LPP: variants seen among roughly 807,000 people sequenced by gnomAD.
LPP encodes the protein lipoma-preferred partner.
In LPP, 38 loss-of-function variants were observed where a neutral mutation model predicts 60.4. The observed-to-expected ratio is 0.63, with a 90% CI of 0.49 to 0.83. The LOEUF (loss-of-function observed/expected upper bound fraction) is 0.83, where lower values mean the gene tolerates loss of function less well. Among genes scored for constraint, LPP ranks in the 40% least tolerant of loss-of-function variants. The probability of loss-of-function intolerance (pLI) is 0.00; values close to 1 mark genes in which losing one functional copy is unlikely to be tolerated. For missense variants in LPP, 902 were observed against 783.6 expected (o/e 1.15, Z -1.80); for synonymous variants, 328 against 290.8 (o/e 1.13, Z -1.30).
chr3:188,747,675 A>G (rs1301171403), intron 8 of LPP, among the ~76,000 whole-genome samples: 1 of 152,204 alleles, frequency 6.6e-6, no homozygotes, highest in Non-Finnish European at 1.5e-5. Flanking sequence ...ACCTAAAAGT[A>G]ATACACTAAT....
intron 2 of LPP, chr3:188,240,286 T>A (rs952666280): frequency 1.8e-5 from 3 of 169,738 alleles, no homozygotes; most frequent in African/African-American, 7.2e-5. Flanking sequence ...TAGGAATAGC[T>A]TACAGCTTGC....
chr3:188,409,231 A>G (rs762277148), intron 4 of LPP, among the ~76,000 whole-genome samples: 33 of 152,106 alleles, frequency 2.2e-4, no homozygotes, highest in African/African-American at 7.0e-4. Flanking sequence ...ATTTCTGCCA[A>G]TTCTCACTCT....
intron 3 of LPP, among the ~76,000 whole-genome samples, chr3:188,397,065 G>T (rs113916450): frequency 6.6e-6 from 1 of 152,158 alleles, no homozygotes; most frequent in Non-Finnish European, 1.5e-5. Context: ...CAGTGCCATG[G>T]TTGCGAACTT....
At chr3:188,250,764 T>TTCTGTCTG (rs1402609269) in intron 2 of LPP, among the ~76,000 whole-genome samples, 7 of 115,732 alleles carry the variant, frequency 6.0e-5, no homozygotes, top group African/African-American at 2.9e-4. Context: ...CTTTCTTTCT[T>TTCTGTCTG]TCTTTCTTTC....
At chr3:188,854,912 C>A (rs1237086972) in intron 9 of LPP, among the ~76,000 whole-genome samples, 1 of 152,188 alleles carries the variant, frequency 6.6e-6, no homozygotes, top group Non-Finnish European at 1.5e-5. Context: ...GTATTGGGAA[C>A]ATTTCTAGTC....
intron 7 of LPP, among the ~76,000 whole-genome samples, chr3:188,693,969 ACTCAGTTTCCCTC>A (rs1348475115): frequency 6.6e-6 from 1 of 152,116 alleles, no homozygotes; most frequent in Non-Finnish European, 1.5e-5. Context: ...ACCTTGAATA[ACTCAGTTTCCCTC>A]CTTGACACTC....
At chr3:188,589,382 T>C (rs528658269) in intron 6 of LPP, among the ~76,000 whole-genome samples, 1 of 152,236 alleles carries the variant, frequency 6.6e-6, no homozygotes, top group South Asian at 2.1e-4. Context: ...TAAAGAAAAA[T>C]GAAAGCAGAT....
chr3:188,325,918 G>T (rs1406681992), intron 2 of LPP, among the ~76,000 whole-genome samples: 1 of 151,918 alleles, frequency 6.6e-6, no homozygotes, highest in African/African-American at 2.4e-5. Flanking sequence ...TATCATTTGG[G>T]AATAGATCTA....
intron 7 of LPP, among the ~76,000 whole-genome samples, chr3:188,692,833 A>G (rs2149489057): frequency 6.6e-6 from 1 of 152,352 alleles, no homozygotes; most frequent in African/African-American, 2.4e-5. Flanking sequence ...CTTCACATGT[A>G]CTTGTTCTTC....
chr3:188,678,607 C>T (rs1261761202), intron 7 of LPP, among the ~76,000 whole-genome samples: 3 of 152,072 alleles, frequency 2.0e-5, no homozygotes, highest in Admixed American at 1.3e-4. Context: ...ATATTTTTTC[C>T]ATTAAATGAA....
At chr3:188,247,270 A>G (rs1221866875) in intron 2 of LPP, 1 of 659,070 alleles carries the variant, frequency 1.5e-6, no homozygotes, top group Non-Finnish European at 1.9e-6. Flanking sequence ...GGAAAAAAAA[A>G]AAAACGCTGA....
At chr3:188,458,357 CT>C (rs1016324498) in intron 4 of LPP, among the ~76,000 whole-genome samples, 7 of 152,198 alleles carry the variant, frequency 4.6e-5, no homozygotes, top group African/African-American at 1.7e-4. Context: ...TTTTATAAAA[CT>C]ACATGAGCAT....
intron 2 of LPP, among the ~76,000 whole-genome samples, chr3:188,258,388 T>C (rs1732389632): frequency 6.6e-6 from 1 of 152,210 alleles, no homozygotes; most frequent in Non-Finnish European, 1.5e-5. Context: ...AGTGGCATGA[T>C]TATGGTTCAC....
At chr3:188,237,939 C>T (rs1484326750) in intron 2 of LPP, among the ~76,000 whole-genome samples, 4 of 152,232 alleles carry the variant, frequency 2.6e-5, no homozygotes, top group Non-Finnish European at 4.4e-5. Context: ...TTCTCTACTT[C>T]TGAAAGTCCT....
chr3:188,391,264 T>C (rs1779634755), intron 3 of LPP, among the ~76,000 whole-genome samples: 1 of 152,152 alleles, frequency 6.6e-6, no homozygotes. Context: ...TCCATATCAC[T>C]CAGTACTTCT....
At chr3:188,219,066 T>TA (rs1714796153) in intron 1 of LPP, among the ~76,000 whole-genome samples, 1 of 114,896 alleles carries the variant, frequency 8.7e-6, no homozygotes, top group Non-Finnish European at 1.8e-5. Context: ...TGGTGGCTTT[T>TA]AGGGGCGGGG....
chr3:188,250,788 GTCTTTCTCTTTCTT>G (rs1294870002), intron 2 of LPP, among the ~76,000 whole-genome samples: 22 of 48,074 alleles, frequency 4.6e-4, no homozygotes, highest in South Asian at 1.4e-3. Flanking sequence ...CTTTCTTTCT[GTCTTTCTCTTTCTT>G]TCTTTCTCTT....
chr3:188,350,566 CA>C (rs1765577929), intron 3 of LPP, among the ~76,000 whole-genome samples: 1 of 152,144 alleles, frequency 6.6e-6, no homozygotes, highest in South Asian at 2.1e-4. Context: ...GAGCTTTGAA[CA>C]AGATAGTTCT....
intron 4 of LPP, among the ~76,000 whole-genome samples, chr3:188,434,431 A>G (rs1315316193): frequency 6.6e-6 from 1 of 152,132 alleles, no homozygotes; most frequent in Non-Finnish European, 1.5e-5. Flanking sequence ...AATGAGTTAC[A>G]TTCTTCCATT....
Sources: gnomAD v4.1 joint callset for allele counts (sites outside exome capture counted in the v4.1 genomes callset) on GRCh38, gnomAD v4.1.1 for gene constraint, MANE v1.5 for transcripts, NCBI Gene and HGNC (gene_info 2026-07-23, HGNC 2026-07-21) for gene names.